Variants in SETBP1 observed in about 807,000 individuals in gnomAD.
SETBP1 encodes SET-binding protein.
Under a neutral mutation model 101.0 loss-of-function variants are expected in SETBP1, and 9 were observed. The observed-to-expected ratio is 0.09, with a 90% CI of 0.05 to 0.16. The LOEUF (loss-of-function observed/expected upper bound fraction) is 0.16. Ranked by LOEUF, SETBP1 falls within the 10% of genes least tolerant of loss-of-function variation. The pLI is 1.00. For missense variants in SETBP1, 1,858 were observed against 2,033.8 expected (o/e 0.91, Z 1.66); for synonymous variants, 818 against 788.5 (o/e 1.04, Z -0.63).
At chr18:44,909,946 G>T (rs1465110204) in intron 3 of SETBP1, among the ~76,000 whole-genome samples, 1 of 152,120 alleles carries the variant, frequency 6.6e-6, no homozygotes, top group African/African-American at 2.4e-5. Flanking sequence ...AAGAGCAGTG[G>T]CCTAATTTCA....
intron 2 of SETBP1, among the ~76,000 whole-genome samples, chr18:44,773,824 G>A (rs28407599): frequency 7.4e-5 from 8 of 108,630 alleles, no homozygotes; most frequent in Admixed American, 2.8e-4. Flanking sequence ...CTCTCTCTCT[G>A]TCTCTCTCTG....
At chr18:44,824,568 C>G (rs1233936228) in intron 2 of SETBP1, among the ~76,000 whole-genome samples, 1 of 152,140 alleles carries the variant, frequency 6.6e-6, no homozygotes, top group East Asian at 1.9e-4. Flanking sequence ...GATTGCGCCT[C>G]TATATTTCTG....
chr18:44,911,676 G>A lies in SETBP1; in HGVS notation c.541-38205G>A, dbSNP rs541415872. ...TAAATTGTACTACAGGTCTAGCCCT[G>A]CCAAACCTCACCCAGGGAGCCCTCT... On this transcript the variant is annotated intron_variant, in intron 3 of 5. Coordinates refer to ENST00000649279, the MANE Select transcript of SETBP1 (RefSeq NM_015559.3). 2.6e-5 allele frequency among the ~76,000 whole-genome samples: 4 copies of A among 152,274 alleles called. No individual in the cohort carries two copies. The East Asian group carries it at 7.7e-4, about 29-fold the overall frequency.
intron 3 of SETBP1, among the ~76,000 whole-genome samples, chr18:44,931,995 C>G (rs7506733): frequency 0.13 from 19,290 of 152,106 alleles, 1,407 homozygotes; most frequent in East Asian, 0.31. Context: ...ATGTTAGCTG[C>G]TTATTTTGCT....
At chr18:44,852,218 C>A (rs1228962453) in intron 2 of SETBP1, among the ~76,000 whole-genome samples, 1 of 152,204 alleles carries the variant, frequency 6.6e-6, no homozygotes, top group Non-Finnish European at 1.5e-5. Context: ...CCTTCAGGGG[C>A]TCCTCTGAGT....
intron 3 of SETBP1, among the ~76,000 whole-genome samples, chr18:44,921,785 G>C (rs778188472): frequency 6.6e-6 from 1 of 152,066 alleles, no homozygotes; most frequent in Non-Finnish European, 1.5e-5. Context: ...CCCAGGGGAC[G>C]GAGGGATAAA....
At chr18:44,990,713 C>A (rs1194444607) in intron 4 of SETBP1, among the ~76,000 whole-genome samples, 2 of 151,166 alleles carry the variant, frequency 1.3e-5, no homozygotes, top group African/African-American at 2.4e-5. Flanking sequence ...AAATAATGTT[C>A]AATTTGTAAT....
chr18:44,996,960 C>G (rs2072510578), intron 4 of SETBP1, among the ~76,000 whole-genome samples: 1 of 152,132 alleles, frequency 6.6e-6, no homozygotes, highest in African/African-American at 2.4e-5. Context: ...ACGGGAGTAT[C>G]CCAGAGTGTT....
intron 2 of SETBP1, among the ~76,000 whole-genome samples, chr18:44,846,477 G>A (rs889778875): frequency 3.9e-5 from 6 of 152,138 alleles, no homozygotes; most frequent in Non-Finnish European, 5.9e-5. Context: ...GGATTTGCCT[G>A]TTCTGGATAT....
At chr18:44,902,160 G>T (rs1278812737) in intron 3 of SETBP1, among the ~76,000 whole-genome samples, 1 of 152,130 alleles carries the variant, frequency 6.6e-6, no homozygotes, top group African/African-American at 2.4e-5. Context: ...CAGTGCAGGT[G>T]TGTAATAGTG....
intron 4 of SETBP1, among the ~76,000 whole-genome samples, chr18:45,035,824 A>G (rs372660703): frequency 1.3e-5 from 2 of 152,206 alleles, no homozygotes; most frequent in African/African-American, 2.4e-5. Flanking sequence ...TGGGAATGCC[A>G]TGGTGGTGCA....
chr18:44,897,297 A>G (rs148447261), intron 3 of SETBP1, among the ~76,000 whole-genome samples: 2 of 152,196 alleles, frequency 1.3e-5, no homozygotes, highest in East Asian at 1.9e-4. Flanking sequence ...GGGCATCCCT[A>G]TGTTTGAGAA....
At chr18:44,999,610 C>T (rs1343032363) in intron 4 of SETBP1, among the ~76,000 whole-genome samples, 2 of 152,160 alleles carry the variant, frequency 1.3e-5, no homozygotes, top group African/African-American at 4.8e-5. Flanking sequence ...TCAGAACCAC[C>T]TCAGAGATAA....
chr18:44,883,101 C>T (rs186398675), intron 3 of SETBP1, among the ~76,000 whole-genome samples: 37 of 152,330 alleles, frequency 2.4e-4, no homozygotes, highest in African/African-American at 8.9e-4. Context: ...GGAGCTGCCT[C>T]ATCCTGCCTT....
At chr18:44,802,674 G>GGAAT (rs2144783192) in intron 2 of SETBP1, among the ~76,000 whole-genome samples, 1 of 152,206 alleles carries the variant, frequency 6.6e-6, no homozygotes, top group Non-Finnish European at 1.5e-5. Flanking sequence ...GAGAGAGAAG[G>GGAAT]GAATGCCTAT....
At chr18:44,860,160 C>T (rs116701363) in intron 2 of SETBP1, among the ~76,000 whole-genome samples, 3 of 152,106 alleles carry the variant, frequency 2.0e-5, no homozygotes, top group Admixed American at 1.3e-4. Flanking sequence ...GCAGAAATTC[C>T]GTAAATGATG....
chr18:45,056,610 A>G (rs1050686062), intron 5 of SETBP1, among the ~76,000 whole-genome samples: 2 of 152,228 alleles, frequency 1.3e-5, no homozygotes, highest in Non-Finnish European at 2.9e-5. Context: ...GGTTTAATTT[A>G]GAGAGGCAGA....
chr18:45,000,312 G>A (rs1438184321), intron 4 of SETBP1, among the ~76,000 whole-genome samples: 1 of 152,224 alleles, frequency 6.6e-6, no homozygotes, highest in Non-Finnish European at 1.5e-5. Flanking sequence ...TTAGGCAGAG[G>A]TAGGGTCACA....
At chr18:44,730,044 A>G (rs1008021322) in intron 2 of SETBP1, among the ~76,000 whole-genome samples, 1 of 152,188 alleles carries the variant, frequency 6.6e-6, no homozygotes, top group African/African-American at 2.4e-5. Context: ...GTGTGAGTCA[A>G]CTTCTTGAAA....
Sources: gnomAD v4.1 joint callset for allele counts (sites outside exome capture counted in the v4.1 genomes callset) on GRCh38, gnomAD v4.1.1 for gene constraint, MANE v1.5 for transcripts, NCBI Gene and HGNC (gene_info 2026-07-23, HGNC 2026-07-21) for gene names.